Variants in FANCB observed in about 807,000 individuals in gnomAD.
The protein encoded by FANCB is FA complementation group B.
In FANCB, 5 loss-of-function variants were observed where a neutral mutation model predicts 38.9. The observed-to-expected ratio is 0.13, with a 90% CI of 0.07 to 0.27. FANCB has a LOEUF of 0.27. Ranked by LOEUF, FANCB falls within the 10% of genes least tolerant of loss-of-function variation. The pLI is 1.00. For missense variants in FANCB, 573 were observed against 602.7 expected (o/e 0.95, Z 0.52); for synonymous variants, 236 against 215.4 (o/e 1.10, Z -0.84).
At chrX:14,858,086 C>G (rs1168528049) in intron 4 of FANCB, 132 bp from the exon 5 acceptor site, 1 of 467,639 alleles carries the variant, frequency 2.1e-6, no homozygotes, top group African/African-American at 2.5e-5. Context: ...AAAATACACA[C>G]TATTTTATAA....
At position 14,864,868 on chromosome X, in the gene FANCB, A is replaced by G. The variant is rs1223775117; in HGVS notation, c.643T>C (p.Tyr215His). The G allele has an allele frequency of 4.1e-6, 5 of 1,208,444 alleles. No individual in the cohort carries two copies. The African/African-American group carries it at 7.0e-5, about 17-fold the overall frequency. Residue 215 changes from tyrosine (Y) to histidine (H), a missense_variant, in exon 3 of 10, where the codon TAT becomes CAT. Transcript: ENST00000650831. The stretch of plus-strand genomic sequence containing the variant: ...AATACTTCTTGACTTTCAAGAGAAT[A>G]TACACAAAATTTGGTATTCCAAATT... ...YAIWNTKFCV[Y>H]SLESQEVLSD...
At chrX:14,706,979 T>C in the FANCB span, among the ~76,000 whole-genome samples, 3 of 111,448 alleles carry the variant, frequency 2.7e-5, no homozygotes, top group South Asian at 3.8e-4. Flanking sequence ...CACAGAATCA[T>C]TGAATGTTCT....
the FANCB span, among the ~76,000 whole-genome samples, chrX:14,797,861 T>G: frequency 1.8e-5 from 2 of 111,137 alleles, no homozygotes; most frequent in Non-Finnish European, 3.8e-5. Context: ...CTACCACCCC[T>G]AGCCTTTTTG....
chrX:14,712,374 A>G, the FANCB span, among the ~76,000 whole-genome samples: 1 of 111,995 alleles, frequency 8.9e-6, no homozygotes, highest in African/African-American at 3.3e-5. Flanking sequence ...AAATGACCCT[A>G]GTTGAGAATC....
chrX:14,727,829 A>G, the FANCB span, among the ~76,000 whole-genome samples: 1 of 111,766 alleles, frequency 8.9e-6, no homozygotes, highest in Non-Finnish European at 1.9e-5. Context: ...ATATGATAAT[A>G]CCTTTAGTTT....
chrX:14,715,645 C>T, the FANCB span, among the ~76,000 whole-genome samples: 1 of 111,395 alleles, frequency 9.0e-6, no homozygotes, highest in African/African-American at 3.3e-5. Context: ...AGAATAATGG[C>T]AGAGTAGAAT....
the FANCB span, among the ~76,000 whole-genome samples, chrX:14,746,874 A>G: frequency 8.9e-6 from 1 of 111,835 alleles, no homozygotes; most frequent in Non-Finnish European, 1.9e-5. Flanking sequence ...CCCATCTGTA[A>G]TGGGAACAAG....
the FANCB span, among the ~76,000 whole-genome samples, chrX:14,689,923 G>C: frequency 8.9e-6 from 1 of 111,955 alleles, no homozygotes; most frequent in Non-Finnish European, 1.9e-5. Context: ...CAAATTATAA[G>C]ACTTACTAAA....
the FANCB span, among the ~76,000 whole-genome samples, chrX:14,740,078 C>T: frequency 1.8e-5 from 2 of 111,300 alleles, no homozygotes; most frequent in East Asian, 5.7e-4. Flanking sequence ...AGCTCCAGGT[C>T]CTCAAAAATG....
chrX:14,737,662 T>C, the FANCB span, among the ~76,000 whole-genome samples: 3 of 112,323 alleles, frequency 2.7e-5, no homozygotes, highest in East Asian at 2.8e-4. Context: ...CTAACACATA[T>C]TAAATTCTCA....
chrX:14,854,308 G>A, intron 5 of FANCB, among the ~76,000 whole-genome samples: 1 of 111,340 alleles, frequency 9.0e-6, no homozygotes, highest in Middle Eastern at 4.2e-3. Context: ...TGGGCAGATT[G>A]AAATGCACCC....
the FANCB span, among the ~76,000 whole-genome samples, chrX:14,697,102 A>AAT: frequency 6.7e-4 from 74 of 110,946 alleles, no homozygotes; most frequent in Non-Finnish European, 1.3e-3. Flanking sequence ...AAAAAAAAAA[A>AAT]TGATAACAAG....
At chrX:14,830,758 T>TC in the FANCB span, among the ~76,000 whole-genome samples, 4 of 111,477 alleles carry the variant, frequency 3.6e-5, no homozygotes, top group African/African-American at 1.3e-4. Context: ...CCTTCAAGAT[T>TC]CCCCATGTGC....
At chrX:14,846,613 C>T (rs980704539) in intron 7 of FANCB, among the ~76,000 whole-genome samples, 4 of 111,615 alleles carry the variant, frequency 3.6e-5, no homozygotes, top group Non-Finnish European at 5.7e-5. Context: ...TCACACTTTA[C>T]ATACCTCCCA....
At chrX:14,846,170 A>C (rs1387598465) in intron 7 of FANCB, among the ~76,000 whole-genome samples, 1 of 111,657 alleles carries the variant, frequency 9.0e-6, no homozygotes, top group Non-Finnish European at 1.9e-5. Context: ...TAGCGGAGAC[A>C]GAAGATACAG....
the FANCB span, among the ~76,000 whole-genome samples, chrX:14,753,570 C>T: frequency 9.0e-6 from 1 of 111,504 alleles, no homozygotes; most frequent in Non-Finnish European, 1.9e-5. Flanking sequence ...CTAGGATGAC[C>T]TCATTCACAT....
chrX:14,826,035 T>C, the FANCB span, among the ~76,000 whole-genome samples: 1 of 112,142 alleles, frequency 8.9e-6, no homozygotes, highest in East Asian at 2.8e-4. Context: ...TTTCAAAACT[T>C]GGCAAATGTC....
the FANCB span, among the ~76,000 whole-genome samples, chrX:14,695,738 G>A: frequency 2.7e-5 from 3 of 111,986 alleles, no homozygotes; most frequent in Admixed American, 2.8e-4. Flanking sequence ...TAGGATGTAG[G>A]AGCTCCTAAC....
At chrX:14,835,400 G>A (rs2092338575), downstream of FANCB, 2 of 372,464 alleles carry the variant, frequency 5.4e-6, no homozygotes, top group South Asian at 5.8e-5. Context: ...AGCCGCGCAG[G>A]ACAGAATCAC....
Sources: allele counts gnomAD v4.1 joint callset (sites outside exome capture counted in the v4.1 genomes callset), GRCh38; gene constraint gnomAD v4.1.1; transcripts MANE v1.5; gene names NCBI Gene and HGNC (gene_info 2026-07-23, HGNC 2026-07-21).